CAMTA1: variants seen among roughly 807,000 people sequenced by gnomAD.
CAMTA1 encodes calmodulin-binding transcription activator 1.
A neutral mutation model predicts 170.9 loss-of-function variants in CAMTA1; 27 were observed. The observed-to-expected ratio is 0.16, with a 90% CI of 0.12 to 0.22. The LOEUF (loss-of-function observed/expected upper bound fraction) is 0.22, where lower values mean the gene tolerates loss of function less well. Ranked by LOEUF, CAMTA1 falls within the 10% of genes least tolerant of loss-of-function variation. The pLI is 1.00. For synonymous variants in CAMTA1, 833 were observed against 891.5 expected, an observed-to-expected ratio of 0.93 and a Z score of 1.17; for missense variants, 1,619 against 2,217.2, an observed-to-expected ratio of 0.73 and a Z score of 5.42.
At chr1:7,149,981 T>A (rs1646478030) in intron 4 of CAMTA1, among the ~76,000 whole-genome samples, 1 of 150,870 alleles carries the variant, frequency 6.6e-6, no homozygotes, top group Non-Finnish European at 1.5e-5. Context: ...CCTTCACTGC[T>A]GGGGAAGGAC....
At chr1:6,924,984 A>C (rs1303754886) in intron 3 of CAMTA1, among the ~76,000 whole-genome samples, 1 of 152,256 alleles carries the variant, frequency 6.6e-6, no homozygotes, top group Admixed American at 6.5e-5. Context: ...GGCTACAAAC[A>C]GCTGACTGGC....
rs185569093 is a variant in CAMTA1, at chr1:7,440,922, G to T, written c.439-26908G>T. 1.3e-3 allele frequency among the ~76,000 whole-genome samples: 193 copies of T among 152,340 alleles called. 1 individual carries two copies. Among genetic ancestry groups the T allele is most frequent in the African/African-American group, 4.5e-3 (186 of 41,580 alleles). On this transcript the variant is annotated intron_variant, in intron 5 of 22. Coordinates refer to ENST00000303635, the MANE Select transcript of CAMTA1 (RefSeq NM_015215.4). ...CTCAGTGCCCATTCAGTAACTGGTAGCTTGGTCCTCCTACCTCGTGCCCTT... is the reference window on the plus strand; with the variant it reads ...CTCAGTGCCCATTCAGTAACTGGTATCTTGGTCCTCCTACCTCGTGCCCTT...
chr1:6,837,820 A>G (rs1019321142), intron 3 of CAMTA1, among the ~76,000 whole-genome samples: 31 of 152,246 alleles, frequency 2.0e-4, no homozygotes, highest in African/African-American at 7.2e-4. Context: ...TCAACAATCT[A>G]TTCCTCAAGC....
Position 7,681,372 on chromosome 1 carries a change from C to T in CAMTA1, c.2914+3639C>T, listed in dbSNP as rs960281802. Among the ~76,000 whole-genome samples the T allele has an allele frequency of 1.3e-5, 2 of 152,174 alleles. No individual in the cohort carries two copies. Among genetic ancestry groups the T allele is most frequent in the Non-Finnish European group, 2.9e-5 (2 of 68,028 alleles). On this transcript the variant is annotated intron_variant, in intron 11 of 22. Coordinates refer to ENST00000303635, the MANE Select transcript of CAMTA1 (RefSeq NM_015215.4). This position sits in a 1 kb window ranked among gnomAD's most constrained non-coding sequence, Gnocchi z 4.6. ...CCCTTGGTGAGACCTGAAGCCTGAG[C>T]AGGGTTAGCCCGGGAAGAGGGGGCA...
intron 4 of CAMTA1, among the ~76,000 whole-genome samples, chr1:7,203,115 T>C (rs959367388): frequency 6.6e-6 from 1 of 152,202 alleles, no homozygotes; most frequent in Non-Finnish European, 1.5e-5. Context: ...GATGATTCTG[T>C]TTTTTAGTCT....
chr1:7,711,555 G>T (rs1173472184), intron 11 of CAMTA1, among the ~76,000 whole-genome samples: 2 of 152,108 alleles, frequency 1.3e-5, no homozygotes, highest in African/African-American at 4.8e-5. Context: ...TATTCTCATG[G>T]TCCCATTTTA....
At chr1:7,255,054 G>A (rs1231533073) in intron 5 of CAMTA1, among the ~76,000 whole-genome samples, 2 of 152,194 alleles carry the variant, frequency 1.3e-5, no homozygotes, top group African/African-American at 2.4e-5. Flanking sequence ...ACCCAACACC[G>A]CATGTTCTCA....
chr1:6,850,892 T>G (rs577478735), intron 3 of CAMTA1, among the ~76,000 whole-genome samples: 1 of 152,332 alleles, frequency 6.6e-6, no homozygotes, highest in East Asian at 1.9e-4. Flanking sequence ...TTAGAGATAG[T>G]AGCTCCTAAC....
intron 4 of CAMTA1, among the ~76,000 whole-genome samples, chr1:7,118,420 G>A (rs1644460398): frequency 6.6e-6 from 1 of 150,764 alleles, no homozygotes; most frequent in Non-Finnish European, 1.5e-5. Flanking sequence ...AGCCTCCTGA[G>A]TAGCTGGGAC....
rs544781755 is a variant in CAMTA1 at position 7,690,912 on chromosome 1, G to GCCTGT, written c.2914+13183_2914+13187dup. The stretch of plus-strand genomic sequence containing the variant: ...TTTGGAGCTGCCTCCCAGGGCTAGA[G>GCCTGT]CCTGTCCTTGCTTCCCGGTTATTCA... On this transcript the variant is annotated intron_variant, in intron 11 of 22. Coordinates refer to ENST00000303635, the MANE Select transcript of CAMTA1 (RefSeq NM_015215.4). Among the ~76,000 whole-genome samples, 84 of 152,356 alleles carry GCCTGT rather than the reference G, an allele frequency of 5.5e-4. 2 individuals are homozygous for GCCTGT. In the South Asian group the frequency reaches 0.017, roughly 30 times the overall value.
intron 7 of CAMTA1, among the ~76,000 whole-genome samples, chr1:7,660,960 G>A (rs904731403): frequency 6.6e-6 from 1 of 152,228 alleles, no homozygotes; most frequent in Non-Finnish European, 1.5e-5. Flanking sequence ...GGAAAAGTCG[G>A]TTTAGACTTC....
At chr1:7,650,755 A>G (rs901759045) in intron 7 of CAMTA1, among the ~76,000 whole-genome samples, 7 of 152,220 alleles carry the variant, frequency 4.6e-5, no homozygotes, top group African/African-American at 1.2e-4. Flanking sequence ...CTCAGGACCA[A>G]TAGGCGAATG....
chr1:7,361,590 T>C (rs894560117), intron 5 of CAMTA1, among the ~76,000 whole-genome samples: 2 of 152,220 alleles, frequency 1.3e-5, no homozygotes, highest in Non-Finnish European at 2.9e-5. Context: ...CCCAGCCACC[T>C]GAGCAACTTT....
chr1:7,727,390 G>A (rs2096697488), intron 11 of CAMTA1, among the ~76,000 whole-genome samples: 1 of 152,136 alleles, frequency 6.6e-6, no homozygotes, highest in African/African-American at 2.4e-5. Flanking sequence ...CCAAAGTGCT[G>A]GGATTACAGG....
chr1:7,188,472 C>G (rs1558224243), intron 4 of CAMTA1, among the ~76,000 whole-genome samples: 1 of 152,144 alleles, frequency 6.6e-6, no homozygotes, highest in Non-Finnish European at 1.5e-5. Flanking sequence ...TAACTCCCTC[C>G]CTCTCCCCTA....
At chr1:7,765,900 G>A (rs544241589) in intron 22 of CAMTA1, among the ~76,000 whole-genome samples, 3 of 151,994 alleles carry the variant, frequency 2.0e-5, no homozygotes, top group South Asian at 2.1e-4. Flanking sequence ...GGTGGCGGGC[G>A]CCTGTAGTCC....
chr1:7,425,919 C>T lies in CAMTA1; in HGVS notation c.439-41911C>T, dbSNP rs1366977614. Among the ~76,000 whole-genome samples the T allele has an allele frequency of 4.3e-4, 65 of 152,206 alleles. 1 individual carries two copies. The highest frequency in any genetic ancestry group is 4.2e-3 in the Admixed American group (64 of 15,288). Reference sequence around the variant, plus strand: ...GCCCCCATAGCCACTGGGCCAGCCACTGAAGGCCAATGTTTGTGATTTCAT... The same window carrying T: ...GCCCCCATAGCCACTGGGCCAGCCATTGAAGGCCAATGTTTGTGATTTCAT... On this transcript the variant is annotated intron_variant, in intron 5 of 22. Coordinates refer to ENST00000303635, the MANE Select transcript of CAMTA1 (RefSeq NM_015215.4).
intron 6 of CAMTA1, among the ~76,000 whole-genome samples, chr1:7,597,097 G>A (rs1440238832): frequency 6.6e-6 from 1 of 152,052 alleles, no homozygotes; most frequent in Non-Finnish European, 1.5e-5. Flanking sequence ...CTCTCCCCAG[G>A]CACCCAGCAA....
intron 5 of CAMTA1, among the ~76,000 whole-genome samples, chr1:7,279,510 C>T (rs937471090): frequency 2.0e-5 from 3 of 152,126 alleles, no homozygotes; most frequent in South Asian, 2.1e-4. Flanking sequence ...CTTGCAGAGC[C>T]GCAGCCACCT....
Sources: allele counts gnomAD v4.1 joint callset (sites outside exome capture counted in the v4.1 genomes callset), GRCh38; gene constraint gnomAD v4.1.1; non-coding constraint Gnocchi (gnomAD v3.1); transcripts MANE v1.5; gene names NCBI Gene and HGNC (gene_info 2026-07-23, HGNC 2026-07-21).